The following PDE1C variants were observed in gnomAD, a reference collection of about 807,000 sequenced individuals.
PDE1C encodes dual specificity calcium/calmodulin-dependent 3',5'-cyclic nucleotide phosphodiesterase 1C.
In PDE1C, 62 loss-of-function variants were observed where a neutral mutation model predicts 93.1. The ratio of observed to expected loss-of-function variants is 0.67; its 90% CI spans 0.54 to 0.82. The LOEUF (loss-of-function observed/expected upper bound fraction) is 0.82, where lower values mean the gene tolerates loss of function less well. Ranked by LOEUF, PDE1C falls within the 40% of genes least tolerant of loss-of-function variation. The pLI is 0.00. For synonymous variants in PDE1C, 325 were observed against 310.1 expected (o/e 1.05, Z -0.50); for missense variants, 742 against 884.6 (o/e 0.84, Z 2.04).
chr7:31,969,326 G>C (rs1584256348), intron 2 of PDE1C, among the ~76,000 whole-genome samples: 1 of 152,266 alleles, frequency 6.6e-6, no homozygotes, highest in Non-Finnish European at 1.5e-5. Flanking sequence ...CAAAAAATGG[G>C]TGAAGGATAT....
chr7:32,088,197 A>C (rs1257748362), intron 3 of PDE1C, among the ~76,000 whole-genome samples: 2 of 152,092 alleles, frequency 1.3e-5, no homozygotes, highest in African/African-American at 4.8e-5. Context: ...TAAAACATGA[A>C]GAAAAAAAGG....
At chr7:32,102,617 A>C (rs1563314252) in intron 3 of PDE1C, among the ~76,000 whole-genome samples, 1 of 152,220 alleles carries the variant, frequency 6.6e-6, no homozygotes, top group Non-Finnish European at 1.5e-5. Context: ...GTCCAGGAAA[A>C]ATAAAACTCA....
chr7:31,991,735 C>T (rs1020060702), intron 2 of PDE1C, among the ~76,000 whole-genome samples: 9 of 152,126 alleles, frequency 5.9e-5, no homozygotes, highest in Non-Finnish European at 1.3e-4. Flanking sequence ...TGTGTATATG[C>T]GTATGTGTGT....
At chr7:31,707,006 G>A in the PDE1C span, among the ~76,000 whole-genome samples, 3 of 152,114 alleles carry the variant, frequency 2.0e-5, no homozygotes, top group Non-Finnish European at 4.4e-5. Context: ...AACCAGAATC[G>A]TGTCCTCATT....
chr7:31,622,492 T>G, the PDE1C span, among the ~76,000 whole-genome samples: 10 of 149,694 alleles, frequency 6.7e-5, no homozygotes, highest in African/African-American at 2.2e-4. Context: ...CTGAACAACC[T>G]ACTCCTGAAT....
chr7:32,238,470 A>C (rs939630350), intron 1 of PDE1C, among the ~76,000 whole-genome samples: 1 of 152,274 alleles, frequency 6.6e-6, no homozygotes, highest in African/African-American at 2.4e-5. Context: ...TGCTTGACAT[A>C]TAATAAGTGA....
At chr7:31,938,991 T>C (rs758652682) in intron 2 of PDE1C, among the ~76,000 whole-genome samples, 1 of 152,204 alleles carries the variant, frequency 6.6e-6, no homozygotes, top group African/African-American at 2.4e-5. Flanking sequence ...CCCAGTGGCA[T>C]GTTCTAGGTA....
chr7:31,746,380 C>T (rs183017094), downstream of PDE1C, among the ~76,000 whole-genome samples: 95 of 152,282 alleles, frequency 6.2e-4, 1 homozygote, highest in African/African-American at 1.9e-3. Context: ...AGGGAGAAGA[C>T]TGTACAAGAG....
Position 31,922,460 on chromosome 7 carries a change from C to T in PDE1C, c.129-41600G>A, listed in dbSNP as rs889122766. Among the ~76,000 whole-genome samples, 22 of 152,280 alleles carry T rather than the reference C, an allele frequency of 1.4e-4. No individual in the cohort carries two copies. The South Asian group carries it at 4.6e-3, about 32-fold the overall frequency. ...AATCTGGAGGCTGTAATCCTACTAA[C>T]TTTTCTGCATGCCTATTTTTCTGAA... On this transcript the variant is annotated intron_variant, in intron 2 of 17. Coordinates refer to ENST00000396191, the MANE Select transcript of PDE1C (RefSeq NM_001191057.4).
intron 17 of PDE1C, among the ~76,000 whole-genome samples, chr7:31,757,541 T>C (rs1309461824): frequency 6.6e-6 from 1 of 152,192 alleles, no homozygotes; most frequent in Non-Finnish European, 1.5e-5. Context: ...TTTCACAGCA[T>C]ACAGATTAAC....
At chr7:32,011,918 C>A (rs1256228193) in intron 2 of PDE1C, among the ~76,000 whole-genome samples, 1 of 152,124 alleles carries the variant, frequency 6.6e-6, no homozygotes, top group Non-Finnish European at 1.5e-5. Flanking sequence ...AAACTGAAAA[C>A]AACCCAAATG....
intron 2 of PDE1C, among the ~76,000 whole-genome samples, chr7:31,982,814 A>G (rs1314421606): frequency 6.6e-6 from 1 of 152,244 alleles, no homozygotes; most frequent in African/African-American, 2.4e-5. Flanking sequence ...TAAAATAGAA[A>G]AAGAAACAAT....
intron 2 of PDE1C, among the ~76,000 whole-genome samples, chr7:32,173,122 C>G (rs1206050146): frequency 2.0e-5 from 3 of 152,062 alleles, no homozygotes; most frequent in African/African-American, 7.2e-5. Flanking sequence ...ATGCCCATCA[C>G]CGATAGACTG....
At chr7:32,007,601 T>C (rs967331536) in intron 2 of PDE1C, among the ~76,000 whole-genome samples, 2 of 152,250 alleles carry the variant, frequency 1.3e-5, no homozygotes, top group Admixed American at 6.5e-5. Context: ...TTGCCTTTTC[T>C]GTCCACACTA....
intron 2 of PDE1C, among the ~76,000 whole-genome samples, chr7:32,026,887 A>G (rs999702098): frequency 6.6e-6 from 1 of 152,160 alleles, no homozygotes; most frequent in African/African-American, 2.4e-5. Flanking sequence ...ACATGAATAC[A>G]TATTGCTGAG....
intron 2 of PDE1C, among the ~76,000 whole-genome samples, chr7:31,992,995 T>C (rs1784319527): frequency 6.6e-6 from 1 of 152,198 alleles, no homozygotes; most frequent in Non-Finnish European, 1.5e-5. Context: ...ACTTGGGGTA[T>C]TGTCTAGAAT....
chr7:32,282,602 G>GT (rs1461803128), intron 1 of PDE1C, among the ~76,000 whole-genome samples: 1 of 95,050 alleles, frequency 1.1e-5, no homozygotes. Flanking sequence ...TTTTTTTTGA[G>GT]ACGGAGTCTC....
At chr7:31,970,736 TG>T (rs1258613603) in intron 2 of PDE1C, among the ~76,000 whole-genome samples, 1 of 152,190 alleles carries the variant, frequency 6.6e-6, no homozygotes, top group Non-Finnish European at 1.5e-5. Context: ...TTGAAGAACA[TG>T]GGGGAAAGAC....
At chr7:32,132,179 A>G (rs1470670583) in intron 3 of PDE1C, among the ~76,000 whole-genome samples, 1 of 152,152 alleles carries the variant, frequency 6.6e-6, no homozygotes, top group African/African-American at 2.4e-5. Flanking sequence ...GAAGCTTGGT[A>G]GAGCCAAGGC....
Sources: allele counts gnomAD v4.1 joint callset (sites outside exome capture counted in the v4.1 genomes callset), GRCh38; gene constraint gnomAD v4.1.1; transcripts MANE v1.5; gene names NCBI Gene and HGNC (gene_info 2026-07-23, HGNC 2026-07-21).